Variants in ANGPT1 observed in about 807,000 individuals in gnomAD.
ANGPT1 encodes the protein angiopoietin-1.
Under a neutral mutation model 62.2 loss-of-function variants are expected in ANGPT1, and 17 were observed. The ratio of observed to expected loss-of-function variants is 0.27; its 90% CI spans 0.19 to 0.41. The LOEUF is 0.41. ANGPT1 is among the 10% of genes least tolerant of loss of function. The pLI is 1.00. For missense variants in ANGPT1, 478 were observed against 594.9 expected (o/e 0.80, Z 2.04); for synonymous variants, 199 against 198.9 (o/e 1.00, Z 0.00).
At chr8:107,255,145 G>T (rs1410237064) in intron 8 of ANGPT1, among the ~76,000 whole-genome samples, 3 of 151,672 alleles carry the variant, frequency 2.0e-5, no homozygotes, top group South Asian at 2.1e-4. Context: ...GATGATAGCC[G>T]TTAAACTAAG....
chr8:107,478,480 C>G (rs1335553794), intron 1 of ANGPT1, among the ~76,000 whole-genome samples: 1 of 152,052 alleles, frequency 6.6e-6, no homozygotes, highest in Non-Finnish European at 1.5e-5. Flanking sequence ...ACCTGGGAGG[C>G]AGAGGTTGCA....
chr8:107,324,033 C>A lies in ANGPT1; in HGVS notation c.576-1905G>T, dbSNP rs553412395. On this transcript the variant is annotated intron_variant, in intron 3 of 8. Coordinates refer to ENST00000517746, the MANE Select transcript of ANGPT1 (RefSeq NM_001146.5). ...TGACCTTGTGATCTGCCCGCCTCGG[C>A]CTCCCAAAGTGCTGGGATTACAGGC... 6.1e-3 allele frequency among the ~76,000 whole-genome samples: 931 copies of A among 151,744 alleles called. 14 individuals carry two copies. The highest frequency in any genetic ancestry group is 0.021 in the African/African-American group (879 of 41,378).
At chr8:107,270,132 C>T (rs16875970) in intron 7 of ANGPT1, among the ~76,000 whole-genome samples, 5,873 of 152,070 alleles carry the variant, frequency 0.039, 343 homozygotes, top group African/African-American at 0.13. Flanking sequence ...AGCCCAATCT[C>T]ATGAACCCAG....
At chr8:107,465,064 A>C (rs1812167303) in intron 1 of ANGPT1, among the ~76,000 whole-genome samples, 1 of 152,168 alleles carries the variant, frequency 6.6e-6, no homozygotes, top group Admixed American at 6.6e-5. Context: ...AATAGCTGTT[A>C]GTCATTCCTC....
chr8:107,328,958 T>C (rs557384681), intron 3 of ANGPT1, among the ~76,000 whole-genome samples: 103 of 151,992 alleles, frequency 6.8e-4, no homozygotes, highest in Non-Finnish European at 1.3e-3. Flanking sequence ...AGTGCATCTA[T>C]AAAAATAGAT....
intron 1 of ANGPT1, among the ~76,000 whole-genome samples, chr8:107,357,862 G>C (rs761526253): frequency 2.0e-5 from 3 of 152,054 alleles, no homozygotes; most frequent in African/African-American, 7.2e-5. Context: ...AAATTGGAAG[G>C]TATTAACACT....
chr8:107,394,862 A>T (rs1554589548), intron 1 of ANGPT1, among the ~76,000 whole-genome samples: 1 of 152,138 alleles, frequency 6.6e-6, no homozygotes, highest in Non-Finnish European at 1.5e-5. Flanking sequence ...AACATTAATA[A>T]CTCATAAAAA....
chr8:107,305,103 T>C (rs1814683396), intron 4 of ANGPT1, among the ~76,000 whole-genome samples: 1 of 152,024 alleles, frequency 6.6e-6, no homozygotes, highest in South Asian at 2.1e-4. Flanking sequence ...CGGACTGCTA[T>C]TTTTCTAAAA....
Position 107,251,099 on chromosome 8 carries a change from G to GT in ANGPT1, c.*755dup, listed in dbSNP as rs1813239454. On this transcript the variant is annotated 3_prime_UTR_variant, in exon 9 of 9. Transcript: ENST00000517746. Reference sequence around the variant, plus strand: ...AAATGAAAACCATAGTATGGGGGTGGTAAGTTTTCACCACATACATCCTTA... The same window carrying GT: ...AAATGAAAACCATAGTATGGGGGTGGTTAAGTTTTCACCACATACATCCTTA... 1 of 152,026 alleles carries GT rather than the reference G, an allele frequency of 6.6e-6. No homozygotes were observed. The highest frequency in any genetic ancestry group is 6.6e-5 in the Admixed American group (1 of 15,246). The allele number at this position is 152,026 out of a possible 1,614,324, so 9.4% of individuals were successfully genotyped here.
intron 1 of ANGPT1, among the ~76,000 whole-genome samples, chr8:107,416,132 T>C (rs1283676): frequency 0.83 from 126,551 of 152,080 alleles, 52,774 homozygotes; most frequent in African/African-American, 0.88. Flanking sequence ...GGGTGTCTTC[T>C]AGTTCAAACC....
At chr8:107,414,091 G>A (rs545732428) in intron 1 of ANGPT1, among the ~76,000 whole-genome samples, 43 of 152,104 alleles carry the variant, frequency 2.8e-4, no homozygotes, top group African/African-American at 9.7e-4. Flanking sequence ...TGGGTATAGG[G>A]TTTATGATAC....
intron 1 of ANGPT1, among the ~76,000 whole-genome samples, chr8:107,389,669 T>C (rs1304998350): frequency 6.6e-6 from 1 of 152,116 alleles, no homozygotes; most frequent in Non-Finnish European, 1.5e-5. Flanking sequence ...ACAAAAACAA[T>C]TATATACTGC....
intron 1 of ANGPT1, among the ~76,000 whole-genome samples, chr8:107,360,247 T>C (rs1352300641): frequency 6.6e-6 from 1 of 152,238 alleles, no homozygotes; most frequent in Non-Finnish European, 1.5e-5. Flanking sequence ...GTTTTTTGAA[T>C]ACTTCTTGTG....
intron 1 of ANGPT1, among the ~76,000 whole-genome samples, chr8:107,430,841 CA>C (rs771075824): frequency 1.3e-5 from 2 of 152,192 alleles, no homozygotes; most frequent in African/African-American, 2.4e-5. Context: ...TGTGTTACAG[CA>C]GCAATATGAA....
chr8:107,281,644 G>A (rs1255704435), intron 7 of ANGPT1, among the ~76,000 whole-genome samples: 1 of 152,076 alleles, frequency 6.6e-6, no homozygotes, highest in African/African-American at 2.4e-5. Context: ...CAGGCATGGT[G>A]GCAGGCACCT....
At chr8:107,410,943 C>T in intron 1 of ANGPT1, among the ~76,000 whole-genome samples, 1 of 152,028 alleles carries the variant, frequency 6.6e-6, no homozygotes, top group East Asian at 1.9e-4. Context: ...CAAGTAATTC[C>T]TATTTTAATT....
intron 1 of ANGPT1, among the ~76,000 whole-genome samples, chr8:107,410,908 T>C (rs1016989334): frequency 6.6e-6 from 1 of 152,152 alleles, no homozygotes; most frequent in Non-Finnish European, 1.5e-5. Flanking sequence ...TTGAGCTTCA[T>C]AAAATGTTAC....
At chr8:107,437,970 G>T (rs1342115551) in intron 1 of ANGPT1, among the ~76,000 whole-genome samples, 1 of 152,186 alleles carries the variant, frequency 6.6e-6, no homozygotes, top group Non-Finnish European at 1.5e-5. Flanking sequence ...CCAGTGCGCT[G>T]TGACCCTGCT....
chr8:107,348,464 C>A (rs768858720), intron 1 of ANGPT1, among the ~76,000 whole-genome samples: 1 of 152,142 alleles, frequency 6.6e-6, no homozygotes, highest in Non-Finnish European at 1.5e-5. Flanking sequence ...ATTATTAATA[C>A]ATTCTAAATT....
Sources: allele counts gnomAD v4.1 joint callset (sites outside exome capture counted in the v4.1 genomes callset), GRCh38; gene constraint gnomAD v4.1.1; transcripts MANE v1.5; gene names NCBI Gene and HGNC (gene_info 2026-07-23, HGNC 2026-07-21).